Variants in FHIT observed in about 807,000 individuals in gnomAD.
FHIT encodes bis(5'-adenosyl)-triphosphatase.
In FHIT, 19 loss-of-function variants were observed where a neutral mutation model predicts 17.9. That is an observed-to-expected ratio of 1.06 (90% CI 0.74 to 1.56). The LOEUF (loss-of-function observed/expected upper bound fraction) is 1.56, where lower values mean the gene tolerates loss of function less well. Among genes scored for constraint, FHIT ranks in the 40% most tolerant of loss-of-function variants. The pLI, the probability that FHIT is intolerant of heterozygous loss-of-function variation, is 0.00. For missense variants in FHIT, 248 were observed against 189.2 expected (o/e 1.31, Z -1.82); for synonymous variants, 81 against 69.7 (o/e 1.16, Z -0.81).
chr3:60,408,080 A>T (rs1400780169), intron 5 of FHIT, among the ~76,000 whole-genome samples: 1 of 152,128 alleles, frequency 6.6e-6, no homozygotes, highest in Non-Finnish European at 1.5e-5. Flanking sequence ...TTCAACCAGC[A>T]CTCACCATGT....
chr3:60,307,981 T>C (rs1004811772), intron 5 of FHIT, among the ~76,000 whole-genome samples: 2 of 152,194 alleles, frequency 1.3e-5, no homozygotes, highest in African/African-American at 4.8e-5. Context: ...GTGCCTTATG[T>C]GCTGACTCAC....
chr3:59,861,279 C>G (rs1193510356), intron 8 of FHIT, among the ~76,000 whole-genome samples: 1 of 152,122 alleles, frequency 6.6e-6, no homozygotes, highest in Non-Finnish European at 1.5e-5. Context: ...AAGATTGAGA[C>G]GTCAGTTATA....
chr3:60,524,424 G>A (rs973043203), intron 5 of FHIT, among the ~76,000 whole-genome samples: 4 of 152,226 alleles, frequency 2.6e-5, no homozygotes, highest in Admixed American at 6.5e-5. Context: ...GGCATTCCAC[G>A]AAGAATAAAC....
At chr3:61,216,239 AC>A (rs2039670497) in intron 1 of FHIT, among the ~76,000 whole-genome samples, 2 of 152,318 alleles carry the variant, frequency 1.3e-5, no homozygotes, top group South Asian at 4.1e-4. Context: ...TTTGCAACCT[AC>A]TCATTTGACA....
At chr3:60,948,228 T>A (rs548939956) in intron 3 of FHIT, among the ~76,000 whole-genome samples, 1 of 152,178 alleles carries the variant, frequency 6.6e-6, no homozygotes, top group Non-Finnish European at 1.5e-5. Flanking sequence ...ACCTTGCTTC[T>A]GAACTCTAAG....
intron 5 of FHIT, among the ~76,000 whole-genome samples, chr3:60,185,335 G>A (rs192583147): frequency 1.8e-4 from 27 of 152,052 alleles, no homozygotes; most frequent in Non-Finnish European, 3.4e-4. Flanking sequence ...CATCTCCATG[G>A]TTTTGTCTTT....
At chr3:59,752,027 G>GA (rs1700936430) in intron 9 of FHIT, 194 bp downstream of exon 9, 2 of 480,446 alleles carry the variant, frequency 4.2e-6, no homozygotes, top group Non-Finnish European at 7.4e-6. Context: ...AGAGGCAGGA[G>GA]AGTTGGAAGA....
At chr3:59,848,658 A>G (rs1701813664) in intron 8 of FHIT, among the ~76,000 whole-genome samples, 1 of 152,216 alleles carries the variant, frequency 6.6e-6, no homozygotes, top group African/African-American at 2.4e-5. Flanking sequence ...ACGCAATGGG[A>G]AGGTAAGCTA....
At chr3:59,788,904 C>T (rs974652251) in intron 8 of FHIT, among the ~76,000 whole-genome samples, 1 of 1,052 alleles carries the variant, frequency 9.5e-4, no homozygotes, top group African/African-American at 2.3e-3. Context: ...ACCCCATCTC[C>T]AAACAGCAAG....
chr3:59,944,303 G>A (rs1706685718), intron 7 of FHIT, among the ~76,000 whole-genome samples: 1 of 152,082 alleles, frequency 6.6e-6, no homozygotes, highest in Admixed American at 6.5e-5. Context: ...GTGGAGATTG[G>A]TATAACTACC....
intron 3 of FHIT, among the ~76,000 whole-genome samples, chr3:60,921,565 A>G (rs1707282265): frequency 6.6e-6 from 1 of 152,242 alleles, no homozygotes; most frequent in African/African-American, 2.4e-5. Flanking sequence ...TAGCTTTTTA[A>G]ATAACATTAT....
chr3:60,183,642 G>T (rs149477920), intron 5 of FHIT, among the ~76,000 whole-genome samples: 1 of 151,942 alleles, frequency 6.6e-6, no homozygotes, highest in African/African-American at 2.4e-5. Flanking sequence ...TTCAAAACTT[G>T]ACAATGCCAA....
intron 1 of FHIT, among the ~76,000 whole-genome samples, chr3:61,236,294 T>C (rs902246650): frequency 1.3e-5 from 2 of 148,984 alleles, no homozygotes; most frequent in East Asian, 1.9e-4. Context: ...TAATTAGTAA[T>C]AATAATAATA....
rs756296774 is a variant in FHIT at position 60,023,708 on chromosome 3, G to T, written c.104-9556C>A. Among the ~76,000 whole-genome samples the T allele has an allele frequency of 2.6e-5, 4 of 152,294 alleles. No individual in the cohort carries two copies. The South Asian group carries it at 8.3e-4, about 32-fold the overall frequency. On this transcript the variant is annotated intron_variant, in intron 5 of 9. Coordinates refer to ENST00000492590, the MANE Select transcript of FHIT (RefSeq NM_002012.4). ...TTAAAGGTAGGGGTGGTATTTAGCA[G>T]ATGAAGCCTCCTTAGAAGAGAGGAA... is the stretch of plus-strand genomic sequence containing the variant.
chr3:60,649,126 G>A lies in FHIT; in HGVS notation c.-17-112147C>T, dbSNP rs1027017129. 2.6e-5 allele frequency among the ~76,000 whole-genome samples: 4 copies of A among 152,272 alleles called. No individual in the cohort carries two copies. The East Asian group carries it at 5.8e-4, about 22-fold the overall frequency. On this transcript the variant is annotated intron_variant, in intron 4 of 9. Transcript: ENST00000492590. ...AAAATTCTTCATTGCGGCCGGGCGC[G>A]GTGGCTCACGCCTGTAATCCCAGCA...
At chr3:59,960,003 C>G (rs770045531) in intron 7 of FHIT, among the ~76,000 whole-genome samples, 12 of 152,062 alleles carry the variant, frequency 7.9e-5, no homozygotes, top group Admixed American at 7.2e-4. Context: ...CAGAGCACAT[C>G]GAGCAGGTCA....
chr3:60,161,779 C>A (rs1293298915), intron 5 of FHIT, among the ~76,000 whole-genome samples: 1 of 151,972 alleles, frequency 6.6e-6, no homozygotes, highest in Non-Finnish European at 1.5e-5. Flanking sequence ...GGCTGAAAGT[C>A]ACAATCAGCA....
intron 5 of FHIT, among the ~76,000 whole-genome samples, chr3:60,193,186 C>T (rs1459516937): frequency 6.6e-6 from 1 of 152,214 alleles, no homozygotes; most frequent in Non-Finnish European, 1.5e-5. Flanking sequence ...ACGAGAACTA[C>T]TGTAATCGTG....
chr3:60,937,881 A>G (rs190621839), intron 3 of FHIT, among the ~76,000 whole-genome samples: 1 of 151,794 alleles, frequency 6.6e-6, no homozygotes, highest in African/African-American at 2.4e-5. Context: ...TTTTCTTCAC[A>G]TTGTCACTGC....
Sources: gnomAD v4.1 joint callset for allele counts (sites outside exome capture counted in the v4.1 genomes callset) on GRCh38, gnomAD v4.1.1 for gene constraint, MANE v1.5 for transcripts, NCBI Gene and HGNC (gene_info 2026-07-23, HGNC 2026-07-21) for gene names.